The following CNTN1 variants were observed in gnomAD, a reference collection of about 807,000 sequenced individuals.
CNTN1 encodes the protein contactin 1, also known as contactin-1.
In CNTN1, 38 loss-of-function variants were observed where a neutral mutation model predicts 126.4. The ratio of observed to expected loss-of-function variants is 0.30; its 90% confidence interval spans 0.23 to 0.39. CNTN1 has a LOEUF of 0.39. Ranked by LOEUF, CNTN1 falls within the 10% of genes least tolerant of loss-of-function variation. The pLI is 1.00. For synonymous variants in CNTN1, 413 were observed against 422.6 expected (o/e 0.98, Z 0.28); for missense variants, 1,009 against 1,248.4 (o/e 0.81, Z 2.89).
intron 1 of CNTN1, among the ~76,000 whole-genome samples, chr12:40,715,327 T>G (rs1942022751): frequency 6.6e-6 from 1 of 152,096 alleles, no homozygotes; most frequent in Non-Finnish European, 1.5e-5. Flanking sequence ...CTCTGTTAAC[T>G]GGTAACTCTT....
At chr12:40,823,388 G>A (rs1941512554) in intron 1 of CNTN1, among the ~76,000 whole-genome samples, 1 of 152,148 alleles carries the variant, frequency 6.6e-6, no homozygotes, top group Non-Finnish European at 1.5e-5. Context: ...ACGGTTGTAT[G>A]ACTTGACCAA....
At chr12:41,008,343 A>T (rs966742940) in intron 17 of CNTN1, among the ~76,000 whole-genome samples, 4 of 152,242 alleles carry the variant, frequency 2.6e-5, no homozygotes, top group Non-Finnish European at 5.9e-5. Context: ...GATGAAATGA[A>T]ATACTGGTTT....
At chr12:41,035,977 C>A (rs1054118200) in intron 23 of CNTN1, among the ~76,000 whole-genome samples, 1 of 152,100 alleles carries the variant, frequency 6.6e-6, no homozygotes, top group African/African-American at 2.4e-5. Context: ...AATTTAAGAT[C>A]ATTTGCTGCT....
chr12:41,000,178 TA>T (rs1019610892), intron 17 of CNTN1, among the ~76,000 whole-genome samples: 3 of 152,144 alleles, frequency 2.0e-5, no homozygotes, highest in African/African-American at 7.2e-5. Context: ...CTGTTCCAAA[TA>T]AAAAGGCTAA....
intron 4 of CNTN1, among the ~76,000 whole-genome samples, chr12:40,920,539 T>G (rs550389454): frequency 6.6e-6 from 1 of 152,142 alleles, no homozygotes; most frequent in African/African-American, 2.4e-5. Flanking sequence ...AAAAATCAGC[T>G]CATGATGGAA....
At chr12:40,877,077 T>C (rs1452798973) in intron 1 of CNTN1, among the ~76,000 whole-genome samples, 2 of 152,174 alleles carry the variant, frequency 1.3e-5, no homozygotes, top group African/African-American at 4.8e-5. Context: ...GTATGAACTT[T>C]CCTGTTTGTG....
intron 7 of CNTN1, 24 bp from the exon 8 acceptor site, chr12:40,933,437 T>C: frequency 7.1e-7 from 1 of 1,400,352 alleles, no homozygotes; most frequent in Non-Finnish European, 1.0e-6. Context: ...AATTAGTGGA[T>C]ATTTGTGTTT....
chr12:40,915,912 C>A (rs1945221441), intron 3 of CNTN1, among the ~76,000 whole-genome samples: 2 of 152,072 alleles, frequency 1.3e-5, no homozygotes, highest in Admixed American at 1.3e-4. Flanking sequence ...CAATCCAGTG[C>A]AGATTAGTGG....
chr12:40,848,695 G>A (rs1304650231), intron 1 of CNTN1, among the ~76,000 whole-genome samples: 1 of 151,986 alleles, frequency 6.6e-6, no homozygotes, highest in Admixed American at 6.6e-5. Context: ...CATGTCACAT[G>A]TCTGGTTCCT....
intron 16 of CNTN1, among the ~76,000 whole-genome samples, chr12:40,981,361 C>T (rs866481576): frequency 6.6e-6 from 1 of 151,924 alleles, no homozygotes; most frequent in Non-Finnish European, 1.5e-5. Context: ...ATTTACTGCC[C>T]CAAAATCATC....
At chr12:40,861,627 A>T (rs900413353) in intron 1 of CNTN1, among the ~76,000 whole-genome samples, 1 of 152,096 alleles carries the variant, frequency 6.6e-6, no homozygotes, top group African/African-American at 2.4e-5. Flanking sequence ...CACTCACTCT[A>T]TAATAATCCT....
At chr12:41,000,614 AAAT>A (rs1311973896) in intron 17 of CNTN1, among the ~76,000 whole-genome samples, 2 of 139,118 alleles carry the variant, frequency 1.4e-5, no homozygotes, top group East Asian at 4.0e-4. Flanking sequence ...TGGGGAAACA[AAAT>A]AATCATATAG....
At position 40,970,320 on chromosome 12, in the gene CNTN1, GA is replaced by G. The variant is rs1052960932; in HGVS notation, c.1805-10579del. On this transcript the variant is annotated intron_variant, in intron 15 of 23. Transcript: ENST00000551295. ...AAAACTACCCAAACTGCGTTCAAAA[GA>G]AAAAAAAAAGAATATATCTAAAATT... 1.5e-4 allele frequency among the ~76,000 whole-genome samples: 21 copies of G among 143,354 alleles called. No individual in the cohort carries two copies. In the East Asian group the frequency reaches 2.0e-3, roughly 14 times the overall value. 94.0% of individuals were successfully genotyped at this position (143,354 alleles called of 152,430 possible).
chr12:40,785,742 T>C, intron 1 of CNTN1, among the ~76,000 whole-genome samples: 1 of 152,140 alleles, frequency 6.6e-6, no homozygotes, highest in Admixed American at 6.6e-5. Context: ...CTATTTTCAC[T>C]TCTTTTGTGG....
At chr12:40,975,469 C>G (rs10879452) in intron 15 of CNTN1, among the ~76,000 whole-genome samples, 1 of 151,432 alleles carries the variant, frequency 6.6e-6, no homozygotes, top group Non-Finnish European at 1.5e-5. Context: ...AGTAGCTGTT[C>G]GTAAACTTGT....
intron 3 of CNTN1, among the ~76,000 whole-genome samples, chr12:40,910,518 A>T (rs1944987870): frequency 6.6e-6 from 1 of 152,192 alleles, no homozygotes; most frequent in South Asian, 2.1e-4. Flanking sequence ...AAAAGTCCAC[A>T]GGTATTGCAA....
intron 15 of CNTN1, among the ~76,000 whole-genome samples, chr12:40,973,091 T>C (rs1947569794): frequency 6.6e-6 from 1 of 152,080 alleles, no homozygotes; most frequent in African/African-American, 2.4e-5. Context: ...ACTATATCAA[T>C]ATCAAGTAGA....
chr12:40,793,932 C>T (rs1366447213), intron 1 of CNTN1, among the ~76,000 whole-genome samples: 2 of 148,190 alleles, frequency 1.3e-5, no homozygotes, highest in Non-Finnish European at 3.0e-5. Context: ...CAACCTAATA[C>T]ATTAGAAATG....
At chr12:41,032,367 CA>C (rs35270939) in intron 23 of CNTN1, among the ~76,000 whole-genome samples, 2,342 of 78,268 alleles carry the variant, frequency 0.03, 37 homozygotes, top group African/African-American at 0.078. Context: ...GACTCCGTCT[CA>C]AAAAAAAAAA....
Sources: gnomAD v4.1 joint callset for allele counts (sites outside exome capture counted in the v4.1 genomes callset) on GRCh38, gnomAD v4.1.1 for gene constraint, MANE v1.5 for transcripts, NCBI Gene and HGNC (gene_info 2026-07-23, HGNC 2026-07-21) for gene names.